Variants in PCSK5 observed in about 807,000 individuals in gnomAD.
The protein encoded by PCSK5 is proprotein convertase subtilisin/kexin type 5.
A neutral mutation model predicts 233.2 loss-of-function variants in PCSK5; 129 were observed. The ratio of observed to expected loss-of-function variants is 0.55; its 90% CI spans 0.48 to 0.64. PCSK5 has a LOEUF of 0.64. Among genes scored for constraint, PCSK5 ranks in the 30% least tolerant of loss-of-function variants. The pLI, the probability that PCSK5 is intolerant of heterozygous loss-of-function variation, is 0.00. For missense variants in PCSK5, 2,076 were observed against 2,430.1 expected, an observed-to-expected ratio of 0.85 and a Z score of 3.06; for synonymous variants, 825 against 879.2, an observed-to-expected ratio of 0.94 and a Z score of 1.09.
intron 2 of PCSK5, among the ~76,000 whole-genome samples, chr9:75,948,768 C>T (rs974606383): frequency 3.9e-5 from 6 of 152,116 alleles, no homozygotes; most frequent in Admixed American, 3.3e-4. Flanking sequence ...CTAATTTCCA[C>T]TCCCACCAAC....
intron 5 of PCSK5, among the ~76,000 whole-genome samples, chr9:76,059,431 C>G (rs1017510345): frequency 6.6e-6 from 1 of 152,160 alleles, no homozygotes; most frequent in Non-Finnish European, 1.5e-5. Context: ...GAAGTCCTTG[C>G]CCATGCCTAT....
At chr9:76,104,577 C>T (rs539906978) in intron 8 of PCSK5, among the ~76,000 whole-genome samples, 5 of 152,278 alleles carry the variant, frequency 3.3e-5, no homozygotes, top group Admixed American at 6.5e-5. Flanking sequence ...ACTATGCAGA[C>T]GAAGCATATT....
chr9:76,068,565 C>T (rs1830370079), intron 6 of PCSK5, among the ~76,000 whole-genome samples: 1 of 152,122 alleles, frequency 6.6e-6, no homozygotes, highest in African/African-American at 2.4e-5. Flanking sequence ...ATACTATTTC[C>T]ATGAATGATT....
intron 3 of PCSK5, among the ~76,000 whole-genome samples, chr9:76,020,590 C>T (rs1828141774): frequency 1.3e-5 from 2 of 152,140 alleles, no homozygotes; most frequent in African/African-American, 2.4e-5. Context: ...TTCTTTTTCA[C>T]CTCCTACCAT....
intron 17 of PCSK5, among the ~76,000 whole-genome samples, chr9:76,185,954 T>G (rs1340052499): frequency 6.6e-6 from 1 of 152,228 alleles, no homozygotes; most frequent in Non-Finnish European, 1.5e-5. Context: ...TTAAATTATT[T>G]TATTTCTTAG....
chr9:76,240,588 T>G (rs1456327036), intron 23 of PCSK5, 28 bp from the exon 24 acceptor site: 1 of 1,484,076 alleles, frequency 6.7e-7, no homozygotes, highest in East Asian at 2.4e-5. Flanking sequence ...GGAAATGAGT[T>G]GTGTTTTTCA....
chr9:76,263,587 A>G (rs1024141822), intron 24 of PCSK5, among the ~76,000 whole-genome samples: 1 of 149,694 alleles, frequency 6.7e-6, no homozygotes, highest in Non-Finnish European at 1.5e-5. Flanking sequence ...ATAGGAACAC[A>G]TGGACACAGG....
At chr9:76,006,943 AG>A (rs1372212178) in intron 3 of PCSK5, among the ~76,000 whole-genome samples, 1 of 152,294 alleles carries the variant, frequency 6.6e-6, no homozygotes, top group South Asian at 2.1e-4. Flanking sequence ...GATTAGACAC[AG>A]GTACAAGCAT....
At chr9:76,013,413 C>A (rs1217611531) in intron 3 of PCSK5, among the ~76,000 whole-genome samples, 1 of 152,090 alleles carries the variant, frequency 6.6e-6, no homozygotes, top group African/African-American at 2.4e-5. Context: ...TTGAAAATAT[C>A]CCTTGAAAGC....
intron 9 of PCSK5, among the ~76,000 whole-genome samples, chr9:76,110,726 A>G (rs1832177008): frequency 6.6e-6 from 1 of 152,230 alleles, no homozygotes; most frequent in Non-Finnish European, 1.5e-5. Flanking sequence ...AGAAAGAAAA[A>G]GAAGTGGAAT....
Position 75,963,808 on chromosome 9 carries a change from G to A in PCSK5, c.298-22324G>A, listed in dbSNP as rs183830969. ...GCAGGAGAATTGCTTGAACCCAGGA[G>A]GCAAAGGTTGCAGTGAGCCGAAATC... is the stretch of plus-strand genomic sequence containing the variant. On this transcript the variant is annotated intron_variant, in intron 2 of 37. Transcript: ENST00000674117. Among the ~76,000 whole-genome samples, 329 of 152,328 alleles carry A rather than the reference G, an allele frequency of 2.2e-3. 2 individuals carry two copies. Among genetic ancestry groups the A allele is most frequent in the Non-Finnish European group, 3.5e-3 (241 of 68,036 alleles).
chr9:75,980,925 C>G (rs988303421), intron 2 of PCSK5, among the ~76,000 whole-genome samples: 1 of 152,086 alleles, frequency 6.6e-6, no homozygotes, highest in African/African-American at 2.4e-5. Flanking sequence ...CCACCTAACT[C>G]ATACTTAAAA....
chr9:76,236,516 A>G (rs1212662679), intron 22 of PCSK5, among the ~76,000 whole-genome samples: 2 of 152,216 alleles, frequency 1.3e-5, no homozygotes, highest in Non-Finnish European at 2.9e-5. Flanking sequence ...TCTACATACT[A>G]TTATAATAAT....
intron 32 of PCSK5, among the ~76,000 whole-genome samples, chr9:76,324,303 T>C (rs776215821): frequency 8.5e-5 from 13 of 152,078 alleles, no homozygotes; most frequent in Non-Finnish European, 1.0e-4. Context: ...TGATCTCAGC[T>C]CATCGCAGCC....
chr9:76,231,067 T>C (rs952750160), intron 21 of PCSK5, among the ~76,000 whole-genome samples: 3 of 152,072 alleles, frequency 2.0e-5, no homozygotes, highest in African/African-American at 7.2e-5. Context: ...TACTCGAGAC[T>C]GGGTAATTTA....
intron 2 of PCSK5, among the ~76,000 whole-genome samples, chr9:75,968,974 A>C (rs1337804029): frequency 2.8e-5 from 4 of 142,640 alleles, no homozygotes; most frequent in Non-Finnish European, 6.1e-5. Context: ...TGGAATTGCT[A>C]TAGAGAAGGT....
rs1325490758 is a variant in PCSK5 at position 76,289,459 on chromosome 9, A to G, written c.3143-2774A>G. ...GTAGCTTGTTTAAGACTCCCTTCCC[A>G]TTCCCCTCACCACACACACACACAC... On this transcript the variant is annotated intron_variant, in intron 24 of 37. Coordinates refer to ENST00000674117, the MANE Select transcript of PCSK5 (RefSeq NM_001372043.1). Among the ~76,000 whole-genome samples, 4 of 139,352 alleles carry G rather than the reference A, an allele frequency of 2.9e-5. No homozygotes were observed. In the East Asian group the frequency reaches 6.1e-4, roughly 21 times the overall value. 91.4% of individuals were successfully genotyped at this position (139,352 alleles called of 152,430 possible). A position where few individuals can be genotyped will look rare whatever the true frequency, so the allele number is the denominator to read the frequency against.
At chr9:75,956,343 A>G (rs1187765212) in intron 2 of PCSK5, among the ~76,000 whole-genome samples, 2 of 152,198 alleles carry the variant, frequency 1.3e-5, no homozygotes, top group African/African-American at 2.4e-5. Flanking sequence ...TTCTACAGAT[A>G]AATCAGGGAG....
At chr9:76,031,977 GT>G (rs915968695) in intron 5 of PCSK5, among the ~76,000 whole-genome samples, 212 of 152,248 alleles carry the variant, frequency 1.4e-3, no homozygotes, top group African/African-American at 4.5e-3. Flanking sequence ...TATTTCCAGG[GT>G]TAGAAGTTGA....
Sources: gnomAD v4.1 joint callset for allele counts (sites outside exome capture counted in the v4.1 genomes callset) on GRCh38, gnomAD v4.1.1 for gene constraint, MANE v1.5 for transcripts, NCBI Gene and HGNC (gene_info 2026-07-23, HGNC 2026-07-21) for gene names.